The following CHRM3 variants were observed in gnomAD, a reference collection of about 807,000 sequenced individuals.
CHRM3 encodes the protein muscarinic acetylcholine receptor M3.
A neutral mutation model predicts 41.8 loss-of-function variants in CHRM3; 11 were observed. That is an observed-to-expected ratio of 0.26 (90% CI 0.17 to 0.44). The LOEUF (loss-of-function observed/expected upper bound fraction) is 0.44. Ranked by LOEUF, CHRM3 falls within the 20% of genes least tolerant of loss-of-function variation. The pLI is 1.00. For missense variants in CHRM3, 571 were observed against 745.4 expected (o/e 0.77, Z 2.72); for synonymous variants, 297 against 301.4 (o/e 0.99, Z 0.15).
intron 3 of CHRM3, among the ~76,000 whole-genome samples, chr1:239,577,987 G>C (rs1281110336): frequency 6.6e-6 from 1 of 152,136 alleles, no homozygotes; most frequent in East Asian, 1.9e-4. Context: ...AGGCTTATTA[G>C]GTCATTCTTC....
Position 239,908,688 on chromosome 1 carries a change from A to T in CHRM3, c.1237A>T (p.Ser413Cys). 6.2e-7 allele frequency: 1 copy of T among 1,613,082 alleles called. No individual in the cohort carries two copies. The highest frequency in any genetic ancestry group is 8.5e-7 in the Non-Finnish European group (1 of 1,179,568). ...RKADKLQAQK[S>C]VDDGGSFPKS... ...AGCCGACAAGCTGCAGGCCCAGAAG[A>T]GCGTGGACGATGGAGGCAGTTTTCC... is the stretch of plus-strand genomic sequence containing the variant. Residue 413 changes from serine to cysteine, a missense_variant, in exon 7 of 7, where the codon AGC becomes TGC. Ser to Cys is a moderately radical substitution (Grantham distance 112, BLOSUM62 -1). Around this residue, in one of 5 missense-constraint regions of CHRM3, gnomAD observed 239 missense variants for 239.6 expected, o/e 1.00. Transcript: ENST00000676153. The surrounding 1 kb of genome is among the most constrained non-coding windows in gnomAD (Gnocchi z 7.2).
At chr1:239,807,742 C>T (rs61829248) in intron 5 of CHRM3, among the ~76,000 whole-genome samples, 8,029 of 151,892 alleles carry the variant, frequency 0.053, 225 homozygotes, top group African/African-American at 0.077. Flanking sequence ...CTCATTTATA[C>T]CTTTTAGTAT....
At chr1:239,533,437 T>C (rs1255205826) in intron 2 of CHRM3, among the ~76,000 whole-genome samples, 1 of 151,728 alleles carries the variant, frequency 6.6e-6, no homozygotes, top group African/African-American at 2.4e-5. Flanking sequence ...TGGAACAAAG[T>C]GGGAAAAGCC....
chr1:239,579,332 A>T (rs374974483), intron 3 of CHRM3, among the ~76,000 whole-genome samples: 1 of 152,226 alleles, frequency 6.6e-6, no homozygotes, highest in African/African-American at 2.4e-5. Flanking sequence ...TCACTGTGCT[A>T]ATCTATTACA....
chr1:239,618,571 G>C (rs745582347), intron 3 of CHRM3, among the ~76,000 whole-genome samples: 2 of 151,872 alleles, frequency 1.3e-5, no homozygotes, highest in South Asian at 4.2e-4. Flanking sequence ...ATGGCCGGGC[G>C]CGGTGGCTCA....
intron 6 of CHRM3, among the ~76,000 whole-genome samples, chr1:239,834,154 A>T (rs1251863381): frequency 8.3e-5 from 12 of 144,946 alleles, no homozygotes; most frequent in African/African-American, 2.8e-4. Context: ...CACATCACAC[A>T]CACACACACA....
At chr1:239,892,173 G>A (rs10495448) in intron 6 of CHRM3, among the ~76,000 whole-genome samples, 41,358 of 152,052 alleles carry the variant, frequency 0.27, 6,177 homozygotes, top group South Asian at 0.37. Flanking sequence ...TTTTAATCCC[G>A]TAGAGCCAGA....
intron 1 of CHRM3, among the ~76,000 whole-genome samples, chr1:239,480,201 T>G (rs1666741592): frequency 6.6e-6 from 1 of 152,016 alleles, no homozygotes; most frequent in African/African-American, 2.4e-5. Context: ...TAAGATGAAA[T>G]ACTGAAGAAA....
At chr1:239,469,150 C>T (rs984144941) in intron 1 of CHRM3, among the ~76,000 whole-genome samples, 2 of 152,092 alleles carry the variant, frequency 1.3e-5, no homozygotes, top group East Asian at 1.9e-4. Flanking sequence ...ACCTGGGTCT[C>T]GGATCTACTC....
At chr1:239,595,821 G>A (rs1572845656) in intron 3 of CHRM3, among the ~76,000 whole-genome samples, 1 of 152,114 alleles carries the variant, frequency 6.6e-6, no homozygotes, top group East Asian at 1.9e-4. Context: ...CCAAAATATA[G>A]CTCCATTTTT....
intron 1 of CHRM3, among the ~76,000 whole-genome samples, chr1:239,464,015 G>GC (rs1665543813): frequency 6.6e-6 from 1 of 152,050 alleles, no homozygotes; most frequent in Non-Finnish European, 1.5e-5. Context: ...GGTGGCTCAC[G>GC]CCTGTAATCT....
At chr1:239,837,402 G>T (rs1318771292) in intron 6 of CHRM3, among the ~76,000 whole-genome samples, 1 of 152,062 alleles carries the variant, frequency 6.6e-6, no homozygotes, top group Non-Finnish European at 1.5e-5. Flanking sequence ...TGACATTACC[G>T]ATTACCTTTC....
chr1:239,645,882 A>G (rs1342300020), intron 4 of CHRM3, among the ~76,000 whole-genome samples: 1 of 152,210 alleles, frequency 6.6e-6, no homozygotes, highest in African/African-American at 2.4e-5. Context: ...GAGAGTTTTT[A>G]ACATAGTTCC....
chr1:239,830,941 G>A (rs1350547186), intron 6 of CHRM3, among the ~76,000 whole-genome samples: 3 of 151,978 alleles, frequency 2.0e-5, no homozygotes, highest in Admixed American at 6.5e-5. Context: ...GAGGTGGAAA[G>A]TTCCCCTATT....
At chr1:239,555,966 T>C (rs1218055240) in intron 3 of CHRM3, among the ~76,000 whole-genome samples, 1 of 152,186 alleles carries the variant, frequency 6.6e-6, no homozygotes, top group East Asian at 1.9e-4. Flanking sequence ...AACTAGAAAG[T>C]AAATCAATCA....
intron 6 of CHRM3, among the ~76,000 whole-genome samples, chr1:239,900,449 T>C (rs190196084): frequency 5.3e-5 from 8 of 150,828 alleles, no homozygotes; most frequent in African/African-American, 2.0e-4. Flanking sequence ...TGGGTACCGA[T>C]AGGACCTCCG....
At chr1:239,720,908 T>C (rs1454645607) in intron 5 of CHRM3, among the ~76,000 whole-genome samples, 1 of 151,944 alleles carries the variant, frequency 6.6e-6, no homozygotes, top group African/African-American at 2.4e-5. Context: ...AAATATTTTG[T>C]TGAGAGGCAA....
chr1:239,544,534 T>G (rs750242858), intron 2 of CHRM3, among the ~76,000 whole-genome samples: 2 of 152,232 alleles, frequency 1.3e-5, no homozygotes, highest in Non-Finnish European at 2.9e-5. Context: ...ATTCTTTTTC[T>G]TCTTGAGATT....
intron 1 of CHRM3, among the ~76,000 whole-genome samples, chr1:239,422,166 G>A (rs923646724): frequency 6.6e-6 from 1 of 152,066 alleles, no homozygotes; most frequent in Non-Finnish European, 1.5e-5. Flanking sequence ...GCAATAACAG[G>A]CAGTAATTTC....
Sources: allele counts gnomAD v4.1 joint callset (sites outside exome capture counted in the v4.1 genomes callset), GRCh38; gene constraint gnomAD v4.1.1; regional missense constraint gnomAD v4.1.1; non-coding constraint Gnocchi (gnomAD v3.1); transcripts MANE v1.5; gene names NCBI Gene and HGNC (gene_info 2026-07-23, HGNC 2026-07-21).